The following SYNPR variants were observed in gnomAD, a reference collection of about 807,000 sequenced individuals.
SYNPR encodes the protein synaptoporin.
Under a neutral mutation model 32.9 loss-of-function variants are expected in SYNPR, and 23 were observed. The observed-to-expected ratio is 0.70, with a 90% CI of 0.50 to 0.99. The LOEUF is 0.99. Ranked by LOEUF, SYNPR falls within the 50% of genes least tolerant of loss-of-function variation. SYNPR has a pLI of 0.00. For synonymous variants in SYNPR, 146 were observed against 135.9 expected (o/e 1.07, Z -0.52); for missense variants, 318 against 349.3 (o/e 0.91, Z 0.71).
intron 2 of SYNPR, among the ~76,000 whole-genome samples, chr3:63,311,219 A>C (rs1180363123): frequency 6.6e-6 from 1 of 151,988 alleles, no homozygotes; most frequent in African/African-American, 2.4e-5. Flanking sequence ...TATTTTGTGA[A>C]TCTCAATTGT....
At chr3:63,269,840 C>A (rs1261589655) in intron 3 of SYNPR, among the ~76,000 whole-genome samples, 1 of 152,146 alleles carries the variant, frequency 6.6e-6, no homozygotes, top group Non-Finnish European at 1.5e-5. Context: ...TATAAGTAGT[C>A]CATATTTTCT....
chr3:63,441,947 T>G (rs996695397), intron 2 of SYNPR, among the ~76,000 whole-genome samples: 1 of 152,150 alleles, frequency 6.6e-6, no homozygotes, highest in African/African-American at 2.4e-5. Context: ...TGTAGCCATT[T>G]TACAAAGGGG....
chr3:63,571,150 T>C (rs1337115938), intron 4 of SYNPR, among the ~76,000 whole-genome samples: 2 of 152,120 alleles, frequency 1.3e-5, no homozygotes, highest in East Asian at 3.9e-4. Context: ...AATGGTGGAG[T>C]CTAATTCTTC....
intron 2 of SYNPR, among the ~76,000 whole-genome samples, chr3:63,472,640 A>C (rs1226112990): frequency 6.6e-6 from 1 of 152,140 alleles, no homozygotes; most frequent in Non-Finnish European, 1.5e-5. Flanking sequence ...GGGGAATACA[A>C]AGATGCTGAA....
chr3:63,379,978 G>C lies in SYNPR; in HGVS notation c.85-100854G>C, dbSNP rs559228476. ...TTGCGATAGTTTGCTGAGAATGATG[G>C]TTTCCAGCTTCATCCACGTCCCTGC... On this transcript the variant is annotated intron_variant, in intron 2 of 5. Coordinates refer to ENST00000478300, the MANE Select transcript of SYNPR (RefSeq NM_001130003.2). 2.4e-4 allele frequency among the ~76,000 whole-genome samples: 36 copies of C among 152,128 alleles called. 2 individuals are homozygous for C. In the South Asian group the frequency reaches 6.0e-3, roughly 25 times the overall value.
chr3:63,612,301 T>C (rs1323868649), intron 5 of SYNPR, among the ~76,000 whole-genome samples: 1 of 152,214 alleles, frequency 6.6e-6, no homozygotes, highest in Non-Finnish European at 1.5e-5. Flanking sequence ...GCTACTAAAA[T>C]ACGGTCATTC....
At chr3:63,252,278 TC>T (rs1375422540) in intron 1 of SYNPR, among the ~76,000 whole-genome samples, 1 of 152,196 alleles carries the variant, frequency 6.6e-6, no homozygotes, top group Non-Finnish European at 1.5e-5. Context: ...TATAAAGGTT[TC>T]TTATAAACTA....
In SYNPR at chr3:63,251,220, C is replaced by A. The variant is rs572593822; in HGVS notation, n.67-1279C>A. 2.6e-5 allele frequency among the ~76,000 whole-genome samples: 4 copies of A among 151,964 alleles called. No individual in the cohort carries two copies. In the East Asian group the frequency reaches 7.8e-4, roughly 29 times the overall value. Reference sequence around the variant, plus strand: ...AAATAAATATGCATGAAATTCCACACAATAGAATATTAAGCAGCTGCCCAA... The same window carrying A: ...AAATAAATATGCATGAAATTCCACAAAATAGAATATTAAGCAGCTGCCCAA... On this transcript the variant is annotated intron_variant and non_coding_transcript_variant, in intron 1 of 4. Coordinates refer to the SYNPR transcript ENST00000478456.
intron 3 of SYNPR, among the ~76,000 whole-genome samples, chr3:63,539,808 G>A (rs376135653): frequency 6.6e-6 from 1 of 152,100 alleles, no homozygotes; most frequent in South Asian, 2.1e-4. Flanking sequence ...GCTCAGTCCT[G>A]CTGGGATCCT....
chr3:63,480,979 T>G lies in SYNPR; in HGVS notation c.209+23T>G, dbSNP rs1489439230. 4 of 1,604,422 alleles carry G rather than the reference T, an allele frequency of 2.5e-6. No individual in the cohort carries two copies. The African/African-American group carries it at 4.0e-5, about 16-fold the overall frequency. On this transcript the variant is annotated intron_variant, in intron 3 of 5. Transcript: ENST00000478300. ...CAGGTAGGGAATGGTGGTTCATGCT[T>G]GTTAGCCTCACAGGGGGTTATTTCT...
chr3:63,573,016 A>G (rs1321893286), intron 4 of SYNPR, among the ~76,000 whole-genome samples: 2 of 152,078 alleles, frequency 1.3e-5, no homozygotes, highest in African/African-American at 4.8e-5. Flanking sequence ...GTGTTTTAAG[A>G]GTGTTGCAAA....
At chr3:63,202,005 A>G in the SYNPR span, among the ~76,000 whole-genome samples, 1 of 152,120 alleles carries the variant, frequency 6.6e-6, no homozygotes, top group Non-Finnish European at 1.5e-5. Flanking sequence ...ATTAACTATT[A>G]ATATCTAGAT....
At chr3:63,332,014 C>A (rs1256238788) in intron 2 of SYNPR, among the ~76,000 whole-genome samples, 2 of 152,154 alleles carry the variant, frequency 1.3e-5, no homozygotes, top group Admixed American at 1.3e-4. Context: ...GACTGGTAGG[C>A]AGTTCTTGAG....
At chr3:63,422,467 A>G (rs1699817109) in intron 2 of SYNPR, among the ~76,000 whole-genome samples, 1 of 152,248 alleles carries the variant, frequency 6.6e-6, no homozygotes, top group Non-Finnish European at 1.5e-5. Flanking sequence ...AAGGAAACTT[A>G]GAGGTGACGG....
chr3:63,437,547 G>A (rs1700106259), intron 2 of SYNPR, among the ~76,000 whole-genome samples: 1 of 150,838 alleles, frequency 6.6e-6, no homozygotes, highest in Non-Finnish European at 1.5e-5. Context: ...GAAAAGGGAA[G>A]GAAGGGAGGA....
At chr3:63,387,332 G>A (rs770588182) in intron 2 of SYNPR, among the ~76,000 whole-genome samples, 18 of 152,138 alleles carry the variant, frequency 1.2e-4, no homozygotes, top group Non-Finnish European at 2.1e-4. Flanking sequence ...ATGTTTAGAA[G>A]GGAGGGTAAA....
chr3:63,350,677 C>T (rs932806854), intron 2 of SYNPR, among the ~76,000 whole-genome samples: 18 of 152,224 alleles, frequency 1.2e-4, no homozygotes, highest in African/African-American at 3.4e-4. Context: ...AGCAGGCTGG[C>T]TGTTAGAAAA....
intron 2 of SYNPR, among the ~76,000 whole-genome samples, chr3:63,367,342 A>ATTAT (rs3081092): frequency 0.02 from 2,931 of 143,670 alleles, 34 homozygotes; most frequent in East Asian, 0.048. Context: ...TCACTGTTGA[A>ATTAT]TTATTTATTT....
chr3:63,486,953 A>T (rs866851022), intron 3 of SYNPR, among the ~76,000 whole-genome samples: 85 of 152,256 alleles, frequency 5.6e-4, no homozygotes, highest in African/African-American at 2.0e-3. Context: ...GAGGTGCTGC[A>T]TGGGGCCTCT....
Sources: gnomAD v4.1 joint callset for allele counts (sites outside exome capture counted in the v4.1 genomes callset) on GRCh38, gnomAD v4.1.1 for gene constraint, MANE v1.5 for transcripts, NCBI Gene and HGNC (gene_info 2026-07-23, HGNC 2026-07-21) for gene names.